CFAP69: variants seen among roughly 807,000 people sequenced by gnomAD.
The protein encoded by CFAP69 is cilia and flagella associated protein 69.
Under a neutral mutation model 123.0 loss-of-function variants are expected in CFAP69, and 92 were observed. That is an observed-to-expected ratio of 0.75 (90% confidence interval 0.63 to 0.89). The LOEUF is 0.89. Ranked by LOEUF, CFAP69 falls within the 40% of genes least tolerant of loss-of-function variation. The probability of loss-of-function intolerance (pLI) is 0.00; values close to 1 mark genes in which losing one functional copy is unlikely to be tolerated. For synonymous variants in CFAP69, 380 were observed against 364.3 expected (o/e 1.04, Z -0.49); for missense variants, 1,067 against 1,096.9 (o/e 0.97, Z 0.39).
intron 3 of CFAP69, among the ~76,000 whole-genome samples, chr7:90,259,082 G>GACCAGAAT (rs1471877639): frequency 1.3e-5 from 2 of 152,086 alleles, no homozygotes; most frequent in Non-Finnish European, 2.9e-5. Flanking sequence ...ATACGACCCT[G>GACCAGAAT]ACCAGAATAC....
chr7:90,309,386 A>G lies in CFAP69; in HGVS notation c.2655+19A>G, dbSNP rs1794048975. 7.4e-7 allele frequency: 1 copy of G among 1,348,534 alleles called. No homozygotes were observed. The highest frequency in any genetic ancestry group is 1.0e-6 in the Non-Finnish European group (1 of 973,030). 83.5% of individuals were successfully genotyped at this position (1,348,534 alleles called of 1,614,324 possible). On this transcript the variant is annotated intron_variant, in intron 22 of 22. Coordinates refer to ENST00000389297, the MANE Select transcript of CFAP69 (RefSeq NM_001039706.3). ...CACAACGGTAAGATTCTTTCTCCAT[A>G]ACATTTTCTTAATAGACATTAAATT... is the stretch of plus-strand genomic sequence containing the variant.
chr7:90,303,447 G>C (rs578173420), intron 17 of CFAP69: 23 of 525,812 alleles, frequency 4.4e-5, no homozygotes, highest in Non-Finnish European at 5.4e-5. Flanking sequence ...CTGTGGGTTT[G>C]TCATAGATGG....
chr7:90,256,833 C>T (rs1797713316), intron 2 of CFAP69, among the ~76,000 whole-genome samples: 1 of 152,178 alleles, frequency 6.6e-6, no homozygotes, highest in Admixed American at 6.5e-5. Flanking sequence ...AATATCACAG[C>T]TTTTCAGGAA....
chr7:90,305,417 G>A (rs968338357), intron 19 of CFAP69, among the ~76,000 whole-genome samples: 7 of 151,172 alleles, frequency 4.6e-5, no homozygotes, highest in African/African-American at 1.5e-4. Context: ...ATGAGATGGA[G>A]ATTTTGCTCT....
At chr7:90,306,103 C>T (rs1584549336) in intron 19 of CFAP69, among the ~76,000 whole-genome samples, 1 of 109,482 alleles carries the variant, frequency 9.1e-6, no homozygotes, top group South Asian at 3.5e-4. Flanking sequence ...CCCCCATACC[C>T]AGCTTTTTAT....
At chr7:90,265,124 A>T (rs2116819595) in intron 4 of CFAP69, among the ~76,000 whole-genome samples, 177 bp from the exon 5 acceptor site, 1 of 152,322 alleles carries the variant, frequency 6.6e-6, no homozygotes, top group Non-Finnish European at 1.5e-5. Flanking sequence ...CAATACTATT[A>T]AACTGTAATA....
intron 15 of CFAP69, 95 bp from the exon 16 acceptor site, chr7:90,297,654 C>A (rs924284876): frequency 5.3e-5 from 40 of 751,986 alleles, no homozygotes; most frequent in Non-Finnish European, 8.2e-5. Flanking sequence ...ATGAAGAAAA[C>A]ATATTCTTTG....
At chr7:90,300,099 A>T in intron 17 of CFAP69, 40 bp downstream of exon 17, 1 of 1,410,608 alleles carries the variant, frequency 7.1e-7, no homozygotes. Context: ...CAATTAATGT[A>T]TATATTTTAA....
chr7:90,295,417 C>T (rs146511298), intron 15 of CFAP69, among the ~76,000 whole-genome samples: 2 of 152,314 alleles, frequency 1.3e-5, no homozygotes, highest in East Asian at 3.9e-4. Flanking sequence ...GCCGAGTACC[C>T]AACCACTCAC....
At chr7:90,267,504 T>C (rs1799315142) in intron 5 of CFAP69, among the ~76,000 whole-genome samples, 1 of 152,178 alleles carries the variant, frequency 6.6e-6, no homozygotes, top group African/African-American at 2.4e-5. Context: ...TTTATAGGAC[T>C]TCAACAGAGT....
Position 90,306,957 on chromosome 7 carries a change from A to G in CFAP69, c.2322A>G (p.Pro774=). The change falls in exon 20 of 23, where the codon CCA becomes CCG. Residue 774 remains proline, a synonymous_variant. Transcript: ENST00000389297. ...YEEIKLEKLR[P]VTTDKKALEA... is the part of the protein sequence containing the mutation. ...AAATAAAATTAGAAAAATTAAGACCAGTCACTACAGATAAAAAAGCTTTGG... is the reference window on the plus strand; with the variant it reads ...AAATAAAATTAGAAAAATTAAGACCGGTCACTACAGATAAAAAAGCTTTGG... 1 of 1,582,306 alleles carries G rather than the reference A, an allele frequency of 6.3e-7. No individual in the cohort carries two copies.
intron 9 of CFAP69, among the ~76,000 whole-genome samples, chr7:90,274,575 T>A (rs867934154): frequency 1.3e-5 from 2 of 152,222 alleles, no homozygotes; most frequent in Admixed American, 1.3e-4. Context: ...ATTTCAAAGA[T>A]AAAGTTCTGC....
chr7:90,310,222 A>G lies in CFAP69; in HGVS notation c.2810A>G (p.Lys937Arg), dbSNP rs766160924. Reference protein sequence around the residue: ...KAVKIVDAPKKSIPT With the variant: ...KAVKIVDAPKRSIPT ...GTTAAAATTGTGGATGCACCAAAAA[A>G]GAGTATTCCTACGTAATATACTATA... is the stretch of plus-strand genomic sequence containing the variant. The change falls in exon 23 of 23, where the codon AAG becomes AGG. Residue 937 changes from lysine to arginine, a missense_variant. By Grantham distance (26) the Lys-to-Arg change is conservative. Coordinates refer to ENST00000389297, the MANE Select transcript of CFAP69 (RefSeq NM_001039706.3). 1.9e-6 allele frequency: 3 copies of G among 1,613,496 alleles called. No homozygotes were observed. The highest frequency in any genetic ancestry group is 1.7e-6 in the Non-Finnish European group (2 of 1,179,644).
intron 15 of CFAP69, among the ~76,000 whole-genome samples, chr7:90,293,475 C>T (rs1440341955): frequency 6.6e-6 from 1 of 152,134 alleles, no homozygotes; most frequent in Non-Finnish European, 1.5e-5. Context: ...TAGCCAATGG[C>T]CACACACAGA....
downstream of CFAP69, among the ~76,000 whole-genome samples, chr7:90,314,196 C>T (rs1794568266): frequency 6.6e-6 from 1 of 152,094 alleles, no homozygotes; most frequent in Non-Finnish European, 1.5e-5. Flanking sequence ...ACGTGGGATC[C>T]TGGAACAACA....
rs577016219 is a variant in CFAP69, at chr7:90,261,173, G to A, written c.247-774G>A. On this transcript the variant is annotated intron_variant, in intron 3 of 22. Transcript: ENST00000389297. The stretch of plus-strand genomic sequence containing the variant: ...CAGCTCACTGCAATCTCCGCCTCCC[G>A]GCTTCAAGCGATTCTCCTGCCTCAG... Among the ~76,000 whole-genome samples the A allele has an allele frequency of 5.3e-5, 8 of 151,152 alleles. No individual in the cohort carries two copies. The South Asian group carries it at 6.3e-4, about 12-fold the overall frequency.
chr7:90,316,930 T>A, the CFAP69 span: 1 of 152,216 alleles, frequency 6.6e-6, no homozygotes, highest in Non-Finnish European at 1.5e-5. Context: ...AGACTAAAAG[T>A]ACATGGTCTC....
intron 3 of CFAP69, among the ~76,000 whole-genome samples, chr7:90,261,174 G>C (rs1798277250): frequency 6.6e-6 from 1 of 151,826 alleles, no homozygotes; most frequent in Admixed American, 6.6e-5. Context: ...CCGCCTCCCG[G>C]CTTCAAGCGA....
At position 90,310,140 on chromosome 7, in the gene CFAP69, GA is replaced by G. The variant is rs769045715; in HGVS notation, c.2729del (p.Asp910ValfsTer17). 9.3e-6 allele frequency: 15 copies of G among 1,613,960 alleles called. No homozygotes were observed. The highest frequency in any genetic ancestry group is 1.6e-4 in the Middle Eastern group (1 of 6,062). On this transcript the variant is annotated frameshift_variant, in exon 23 of 23. Coordinates refer to ENST00000389297, the MANE Select transcript of CFAP69 (RefSeq NM_001039706.3). LOFTEE classifies it high-confidence loss of function. The part of the protein sequence containing the change: ...RLVGGPLVDT[D>X]IALKKLPIRG... ...AGTAGGAGGACCTCTGGTTGATACG[GA>G]TATTGCTCTTAAAAAACTGCCCATT...
Sources: allele counts gnomAD v4.1 joint callset (sites outside exome capture counted in the v4.1 genomes callset), GRCh38; gene constraint gnomAD v4.1.1; transcripts MANE v1.5; gene names NCBI Gene and HGNC (gene_info 2026-07-23, HGNC 2026-07-21).